EVC: variants seen among roughly 807,000 people sequenced by gnomAD.
EVC encodes the protein EvC ciliary complex subunit 1, also known as evC complex member EVC.
A neutral mutation model predicts 118.9 loss-of-function variants in EVC; 116 were observed. That is an observed-to-expected ratio of 0.98 (90% CI 0.84 to 1.14). The LOEUF (loss-of-function observed/expected upper bound fraction) is 1.14, where lower values mean the gene tolerates loss of function less well. Among genes scored for constraint, EVC ranks in the 50% most tolerant of loss-of-function variants. EVC has a pLI of 0.00. For synonymous variants in EVC, 619 were observed against 534.7 expected (o/e 1.16, Z -2.18); for missense variants, 1,401 against 1,246.4 (o/e 1.12, Z -1.87).
chr4:5,827,442 G>C, the EVC span, among the ~76,000 whole-genome samples: 1 of 152,182 alleles, frequency 6.6e-6, no homozygotes, highest in African/African-American at 2.4e-5. Context: ...GGAAGCTGGG[G>C]AGAGACCAAA....
At position 5,804,829 on chromosome 4, in the gene EVC, C is replaced by T. The variant is rs150509782; in HGVS notation, c.2549C>T (p.Ala850Val). ...GGTGGCGCTCATGAGACCTCCCAGG[C>T]GGTCCACCAGAGGTGAGGTCCCAAC... The part of the protein sequence containing the change: ...TAGGAHETSQ[A>V]VHQRMLSQQK... Residue 850 changes from alanine (A) to valine (V), a missense_variant, in exon 17 of 21, where the codon GCG (alanine) becomes GTG (valine). Coordinates refer to ENST00000264956, the MANE Select transcript of EVC (RefSeq NM_153717.3). 28 of 1,613,732 alleles carry T rather than the reference C, an allele frequency of 1.7e-5. No homozygotes were observed. Among genetic ancestry groups the T allele is most frequent in the African/African-American group, 1.5e-4 (11 of 74,918 alleles).
At chr4:5,723,627 A>G (rs1419884471) in intron 2 of EVC, among the ~76,000 whole-genome samples, 1 of 152,086 alleles carries the variant, frequency 6.6e-6, no homozygotes, top group Non-Finnish European at 1.5e-5. Flanking sequence ...GGAAGTTTAC[A>G]AATGCACAGG....
chr4:5,723,463 A>G (rs1725313031), intron 2 of EVC, among the ~76,000 whole-genome samples: 1 of 152,118 alleles, frequency 6.6e-6, no homozygotes, highest in Non-Finnish European at 1.5e-5. Context: ...TGCTGGGATT[A>G]CAGGTGTGAG....
chr4:5,734,782 C>G (rs1395964224), intron 5 of EVC, among the ~76,000 whole-genome samples: 2 of 152,208 alleles, frequency 1.3e-5, no homozygotes, highest in Non-Finnish European at 2.9e-5. Flanking sequence ...TGCTAGAATT[C>G]AAGAACTAGA....
At chr4:5,794,181 C>A (rs1713320386) in intron 13 of EVC, among the ~76,000 whole-genome samples, 1 of 146,806 alleles carries the variant, frequency 6.8e-6, no homozygotes, top group Admixed American at 6.9e-5. Context: ...TATGGTCTTT[C>A]CAATTTGCTG....
intron 5 of EVC, among the ~76,000 whole-genome samples, chr4:5,740,273 C>G (rs1013476221): frequency 6.6e-6 from 1 of 151,938 alleles, no homozygotes; most frequent in Non-Finnish European, 1.5e-5. Flanking sequence ...GAATTCAAGA[C>G]CAGCCTGGCC....
intron 11 of EVC, among the ~76,000 whole-genome samples, chr4:5,773,602 C>G (rs904864375): frequency 6.6e-6 from 1 of 152,128 alleles, no homozygotes; most frequent in Non-Finnish European, 1.5e-5. Context: ...GGGAGAGAGA[C>G]TGGGAGGCGG....
At chr4:5,725,539 T>C (rs1014620746) in intron 2 of EVC, among the ~76,000 whole-genome samples, 3 of 152,228 alleles carry the variant, frequency 2.0e-5, no homozygotes, top group Non-Finnish European at 2.9e-5. Flanking sequence ...GAAATGTCTG[T>C]TCATGTCCTT....
chr4:5,804,756 C>G lies in EVC; in HGVS notation c.2476C>G (p.Arg826Gly). The G allele has an allele frequency of 1.2e-6, 2 of 1,614,114 alleles. No individual in the cohort carries two copies. The highest frequency in any genetic ancestry group is 8.5e-7 in the Non-Finnish European group (1 of 1,180,028). ...TGAGAGGATGGAAAATTACAAACTGCGGAAAAAGCAAGAACTCAGCAACCC... is the reference window on the plus strand; with the variant it reads ...TGAGAGGATGGAAAATTACAAACTGGGGAAAAAGCAAGAACTCAGCAACCC... ...QGERMENYKL[R>G]KKQELSNPSS... Residue 826 changes from arginine to glycine, a missense_variant, in exon 17 of 21, where the codon CGG becomes GGG. Transcript: ENST00000264956.
downstream of EVC, among the ~76,000 whole-genome samples, chr4:5,817,394 G>C (rs1423237425): frequency 1.3e-5 from 2 of 152,178 alleles, no homozygotes; most frequent in Non-Finnish European, 2.9e-5. Context: ...TGGTTTGATA[G>C]ATCTCCCAGA....
chr4:5,795,169 C>T (rs1192546796), intron 13 of EVC, among the ~76,000 whole-genome samples: 2 of 152,170 alleles, frequency 1.3e-5, no homozygotes, highest in African/African-American at 2.4e-5. Context: ...TCTTTGCTAT[C>T]ATGAATAGCA....
At chr4:5,794,659 C>T (rs1713608488) in intron 13 of EVC, among the ~76,000 whole-genome samples, 1 of 151,856 alleles carries the variant, frequency 6.6e-6, no homozygotes, top group Admixed American at 6.6e-5. Flanking sequence ...GATCTACCCA[C>T]CTCAGCCTTC....
At chr4:5,778,301 G>A (rs13114442) in intron 11 of EVC, among the ~76,000 whole-genome samples, 76,047 of 151,508 alleles carry the variant, frequency 0.5, 20,211 homozygotes, top group African/African-American at 0.67. Context: ...GTAAACATAC[G>A]TGTGCATATG....
Position 5,745,271 on chromosome 4 carries a change from ACT to A in EVC, c.872_873del (p.Ser291Ter). Reference sequence around the variant, plus strand: ...AACACAGAAATGTCGGGGGCTGGTGACTCTGAGTACATCACCCTGGCTGATGT... The same window carrying A: ...AACACAGAAATGTCGGGGGCTGGTGACTGAGTACATCACCCTGGCTGATGT... On this transcript the variant is annotated frameshift_variant, in exon 7 of 21. Transcript: ENST00000264956. LOFTEE classifies it high-confidence loss of function. 1.2e-6 allele frequency: 2 copies of A among 1,613,952 alleles called. No homozygotes were observed. The highest frequency in any genetic ancestry group is 1.7e-6 in the Non-Finnish European group (2 of 1,179,932).
At chr4:5,820,980 C>G in the EVC span, 1 of 152,264 alleles carries the variant, frequency 6.6e-6, no homozygotes, top group Non-Finnish European at 1.5e-5. Flanking sequence ...ATCAGCCCCC[C>G]ATCGTCAGCC....
rs1176727775 is a variant in EVC, at chr4:5,745,250, C to A, written c.848C>A (p.Thr283Lys). 6.2e-7 allele frequency: 1 copy of A among 1,613,936 alleles called. No individual in the cohort carries two copies. Among genetic ancestry groups the A allele is most frequent in the Middle Eastern group, 1.7e-4 (1 of 6,060 alleles). ...GGACTTCAGGTCAAACTGTCAAACACAGAAATGTCGGGGGCTGGTGACTCT... is the reference window on the plus strand; with the variant it reads ...GGACTTCAGGTCAAACTGTCAAACAAAGAAATGTCGGGGGCTGGTGACTCT... ...EKGLQVKLSNTEMSGAGDSEY... is the reference protein window; with the variant it reads ...EKGLQVKLSNKEMSGAGDSEY... Residue 283 changes from threonine (T) to lysine (K), a missense_variant, in exon 7 of 21, where the codon ACA becomes AAA. Thr to Lys is a moderately conservative substitution (Grantham distance 78). Coordinates refer to ENST00000264956, the MANE Select transcript of EVC (RefSeq NM_153717.3).
In EVC at chr4:5,744,968, G is replaced by GTTTTTTTT. The variant is rs112283154; in HGVS notation, c.802-227_802-220dup. 7.0e-4 allele frequency among the ~76,000 whole-genome samples: 98 copies of GTTTTTTTT among 139,884 alleles called. 3 individuals carry two copies. Among genetic ancestry groups the GTTTTTTTT allele is most frequent in the South Asian group, 6.4e-3 (28 of 4,368 alleles). 91.8% of individuals were successfully genotyped at this position (139,884 alleles called of 152,430 possible). A position where few individuals can be genotyped will look rare whatever the true frequency, so the allele number is the denominator to read the frequency against. ...TTATTGATTTTTAAAGTATGGTCTAGTTTTTTTTTTTTTTTTGAGGGAGGA... is the reference window on the plus strand; with the variant it reads ...TTATTGATTTTTAAAGTATGGTCTAGTTTTTTTTTTTTTTTTTTTTTTTTGAGGGAGGA... On this transcript the variant is annotated intron_variant, in intron 6 of 20. Coordinates refer to ENST00000264956, the MANE Select transcript of EVC (RefSeq NM_153717.3).
At chr4:5,729,735 C>T (rs996428337) in intron 3 of EVC, among the ~76,000 whole-genome samples, 3 of 152,176 alleles carry the variant, frequency 2.0e-5, no homozygotes, top group African/African-American at 7.2e-5. Context: ...CAGCAGCTGG[C>T]ACTTACTGAA....
At chr4:5,721,026 CAT>C (rs1454108069) in intron 2 of EVC, among the ~76,000 whole-genome samples, 3 of 152,128 alleles carry the variant, frequency 2.0e-5, no homozygotes, top group African/African-American at 4.8e-5. Context: ...ATCACTCTCT[CAT>C]GTGTCTCTGT....
Sources: allele counts gnomAD v4.1 joint callset (sites outside exome capture counted in the v4.1 genomes callset), GRCh38; gene constraint gnomAD v4.1.1; transcripts MANE v1.5; gene names NCBI Gene and HGNC (gene_info 2026-07-23, HGNC 2026-07-21).